MTHFD1L: variants seen among roughly 807,000 people sequenced by gnomAD.
MTHFD1L encodes the protein methylenetetrahydrofolate dehydrogenase (NADP+ dependent) 1 like.
MTHFD1L carries 81 observed loss-of-function variants against 119.5 expected under a neutral mutation model. The ratio of observed to expected loss-of-function variants is 0.68; its 90% CI spans 0.57 to 0.82. The LOEUF (loss-of-function observed/expected upper bound fraction) is 0.82, where lower values mean the gene tolerates loss of function less well. Among genes scored for constraint, MTHFD1L ranks in the 40% least tolerant of loss-of-function variants. The probability of loss-of-function intolerance (pLI) is 0.00; values close to 1 mark genes in which losing one functional copy is unlikely to be tolerated. For missense variants in MTHFD1L, 1,125 were observed against 1,253.4 expected, an observed-to-expected ratio of 0.90 and a Z score of 1.55; for synonymous variants, 430 against 475.2, an observed-to-expected ratio of 0.90 and a Z score of 1.24.
Position 150,986,000 on chromosome 6 carries a change from G to A in MTHFD1L, c.2125+13942G>A, listed in dbSNP as rs1189187811. On this transcript the variant is annotated intron_variant, in intron 20 of 27. Transcript: ENST00000367321. ...TTGACACCTCAGATATACTCTTGGT[G>A]CCAAAAGGGATGTTAAGCAAAATTT... is the stretch of plus-strand genomic sequence containing the variant. Among the ~76,000 whole-genome samples, 5 of 152,316 alleles carry A rather than the reference G, an allele frequency of 3.3e-5. No homozygotes were observed. In the East Asian group the frequency reaches 9.6e-4, roughly 29 times the overall value.
chr6:150,982,292 T>C (rs1583943086), intron 20 of MTHFD1L, among the ~76,000 whole-genome samples: 1 of 152,110 alleles, frequency 6.6e-6, no homozygotes, highest in African/African-American at 2.4e-5. Flanking sequence ...CTGCTAGCCA[T>C]ACTGGCCAAC....
At chr6:150,866,720 G>T (rs1036917928) in intron 1 of MTHFD1L, 228 of 1,097,924 alleles carry the variant, frequency 2.1e-4, no homozygotes, top group Non-Finnish European at 2.5e-4. Context: ...CAGCGCCCAC[G>T]GAGTCCCCGC....
At chr6:150,950,734 A>T (rs1794729470) in intron 16 of MTHFD1L, among the ~76,000 whole-genome samples, 1 of 152,162 alleles carries the variant, frequency 6.6e-6, no homozygotes. Context: ...CAGTGGTGCG[A>T]TCTAGGCTCA....
chr6:151,021,015 G>T (rs192843189), intron 24 of MTHFD1L, among the ~76,000 whole-genome samples: 3 of 152,292 alleles, frequency 2.0e-5, no homozygotes, highest in Admixed American at 6.5e-5. Flanking sequence ...AGAAATGGAC[G>T]CTTGATAGGA....
At chr6:150,980,837 G>C (rs1264590583) in intron 20 of MTHFD1L, among the ~76,000 whole-genome samples, 1 of 151,980 alleles carries the variant, frequency 6.6e-6, no homozygotes, top group Non-Finnish European at 1.5e-5. Context: ...CTCCTGATTT[G>C]AGTGATTATC....
At chr6:151,033,188 T>TG (rs1237648794) in intron 24 of MTHFD1L, among the ~76,000 whole-genome samples, 1 of 151,996 alleles carries the variant, frequency 6.6e-6, no homozygotes, top group Non-Finnish European at 1.5e-5. Flanking sequence ...GGCGCGATCT[T>TG]GGCTCACTGC....
intron 1 of MTHFD1L, chr6:150,875,874 T>C: frequency 4.1e-6 from 2 of 488,118 alleles, no homozygotes; most frequent in Non-Finnish European, 7.3e-6. Flanking sequence ...TCCCTCTGCA[T>C]ATTTTAAAAA....
chr6:150,931,312 G>T (rs905265584), intron 11 of MTHFD1L, among the ~76,000 whole-genome samples: 1 of 133,392 alleles, frequency 7.5e-6, no homozygotes, highest in African/African-American at 2.7e-5. Context: ...CCAAATACCC[G>T]ATTGGATTTT....
chr6:150,971,069 A>G (rs1206426703), intron 19 of MTHFD1L, among the ~76,000 whole-genome samples: 1 of 152,256 alleles, frequency 6.6e-6, no homozygotes, highest in Non-Finnish European at 1.5e-5. Context: ...TGCAAAGTAA[A>G]GAGTAGAATA....
At chr6:151,013,702 A>G in intron 21 of MTHFD1L, 77 bp from the exon 22 acceptor site, 1 of 1,293,182 alleles carries the variant, frequency 7.7e-7, no homozygotes, top group Non-Finnish European at 1.1e-6. Context: ...GAATGTGATT[A>G]TGTTGTTCTT....
intron 20 of MTHFD1L, among the ~76,000 whole-genome samples, chr6:150,998,620 C>T (rs1319660864): frequency 6.7e-6 from 1 of 149,658 alleles, no homozygotes; most frequent in Admixed American, 6.8e-5. Context: ...CACACCTGAT[C>T]TCGTGTGGCG....
At chr6:150,955,948 G>A in intron 16 of MTHFD1L, 47 bp from the exon 17 acceptor site, 4 of 1,499,828 alleles carry the variant, frequency 2.7e-6, no homozygotes, top group Non-Finnish European at 3.7e-6. Context: ...CACACCAGGT[G>A]GCTGGTCCAT....
intron 19 of MTHFD1L, among the ~76,000 whole-genome samples, chr6:150,969,512 C>CAAAA (rs35902929): frequency 7.9e-6 from 1 of 126,716 alleles, no homozygotes; most frequent in African/African-American, 2.9e-5. Context: ...GACCCTGCCT[C>CAAAA]AAAAAAAAAA....
At chr6:151,100,036 T>A in intron 27 of MTHFD1L, 2 of 291,200 alleles carry the variant, frequency 6.9e-6, no homozygotes, top group Non-Finnish European at 1.2e-5. Flanking sequence ...TTTCTTTTCT[T>A]TTTTTTTTTT....
chr6:150,981,477 G>T (rs1024059237), intron 20 of MTHFD1L, among the ~76,000 whole-genome samples: 1 of 152,194 alleles, frequency 6.6e-6, no homozygotes, highest in Admixed American at 6.5e-5. Flanking sequence ...AATCACAGAT[G>T]TGCGGCTTTT....
intron 7 of MTHFD1L, among the ~76,000 whole-genome samples, chr6:150,905,422 G>A (rs1475223563): frequency 6.6e-6 from 1 of 152,140 alleles, no homozygotes; most frequent in Non-Finnish European, 1.5e-5. Context: ...TGACTACCCT[G>A]AAGACATTTT....
At chr6:150,897,611 T>C (rs1334951739) in intron 7 of MTHFD1L, among the ~76,000 whole-genome samples, 3 of 152,190 alleles carry the variant, frequency 2.0e-5, no homozygotes, top group Admixed American at 6.5e-5. Flanking sequence ...CAAATAAATC[T>C]TTGTGGTCAT....
Position 151,092,578 on chromosome 6 carries a change from C to G in MTHFD1L, c.*22C>G, listed in dbSNP as rs758143143. Reference sequence around the variant, plus strand: ...CTAAGTGGACAAGGCTCTCACAGGACCCGATGCAGGTAGGCTGATGTGCTT... The same window carrying G: ...CTAAGTGGACAAGGCTCTCACAGGAGCCGATGCAGGTAGGCTGATGTGCTT... On this transcript the variant is annotated 3_prime_UTR_variant, in exon 27 of 28. Transcript: ENST00000367321. 1 of 1,594,082 alleles carries G rather than the reference C, an allele frequency of 6.3e-7. No individual in the cohort carries two copies. The highest frequency in any genetic ancestry group is 2.2e-5 in the East Asian group (1 of 44,768).
intron 21 of MTHFD1L, among the ~76,000 whole-genome samples, chr6:151,012,019 CAAAAA>C (rs1043831602): frequency 1.2e-3 from 69 of 58,764 alleles, no homozygotes; most frequent in East Asian, 9.0e-3. Flanking sequence ...ACAACAACAA[CAAAAA>C]AAAAAAAAAA....
Sources: allele counts gnomAD v4.1 joint callset (sites outside exome capture counted in the v4.1 genomes callset), GRCh38; gene constraint gnomAD v4.1.1; transcripts MANE v1.5; gene names NCBI Gene and HGNC (gene_info 2026-07-23, HGNC 2026-07-21).